TEF: variants seen among roughly 807,000 people sequenced by gnomAD.
The protein encoded by TEF is TEF transcription factor, PAR bZIP family member, also known as thyrotroph embryonic factor.
In TEF, 3 loss-of-function variants were observed where a neutral mutation model predicts 20.8. The observed-to-expected ratio is 0.14, with a 90% CI of 0.07 to 0.37. The LOEUF is 0.37. Among genes scored for constraint, TEF ranks in the 10% least tolerant of loss-of-function variants. The probability of loss-of-function intolerance (pLI) is 1.00; values close to 1 mark genes in which losing one functional copy is unlikely to be tolerated. For missense variants in TEF, 296 were observed against 397.9 expected (o/e 0.74, Z 2.18); for synonymous variants, 180 against 171.1 (o/e 1.05, Z -0.41).
intron 2 of TEF, among the ~76,000 whole-genome samples, chr22:41,391,646 G>C (rs938365811): frequency 7.0e-6 from 1 of 143,846 alleles, no homozygotes; most frequent in African/African-American, 2.6e-5. Context: ...TTTTTTGAGA[G>C]GGAGTCTCAC....
intron 3 of TEF, among the ~76,000 whole-genome samples, chr22:41,395,422 T>A (rs1300190014): frequency 6.6e-6 from 1 of 152,140 alleles, no homozygotes; most frequent in Non-Finnish European, 1.5e-5. Flanking sequence ...ATCTAGGCCC[T>A]TACCCACAAC....
rs758462903 is a variant in TEF, at chr22:41,382,228, G to T, written c.157+27G>T. ...TGAGGGCGGGGGGGTGGTCCGCGCG[G>T]GCTGGGGGCGGGGCTTATACAGGGG... On this transcript the variant is annotated intron_variant, in intron 1 of 3. Transcript: ENST00000266304. The T allele has an allele frequency of 1.2e-5, 15 of 1,227,012 alleles. No individual in the cohort carries two copies. In the South Asian group the frequency reaches 1.6e-4, roughly 13 times the overall value. 76.0% of individuals were successfully genotyped at this position (1,227,012 alleles called of 1,614,324 possible).
chr22:41,388,578 CAA>C (rs10717641), intron 2 of TEF, among the ~76,000 whole-genome samples: 94 of 116,340 alleles, frequency 8.1e-4, no homozygotes, highest in Middle Eastern at 4.2e-3. Context: ...GACGCCATCT[CAA>C]AAAAAAAAAA....
At chr22:41,393,979 TC>T in intron 2 of TEF, 116 bp from the exon 3 acceptor site, 1 of 835,254 alleles carries the variant, frequency 1.2e-6, no homozygotes. Flanking sequence ...GGTTTTCTTC[TC>T]CCCAGGCGGC....
At position 41,398,300 on chromosome 22, in the gene TEF, C is replaced by G. The variant is rs1301549062; in HGVS notation, c.*2340C>G. 6.5e-6 allele frequency: 1 copy of G among 153,792 alleles called. No homozygotes were observed. The highest frequency in any genetic ancestry group is 6.6e-5 in the Admixed American group (1 of 15,266). 9.5% of individuals were successfully genotyped at this position (153,792 alleles called of 1,614,324 possible). A position where few individuals can be genotyped will look rare whatever the true frequency, so the allele number is the denominator to read the frequency against. Reference sequence around the variant, plus strand: ...GTCGAGGGAATGGGAGTCTCCTCGGCTCCCTCCTGGGCCCTCTGCTTCTTG... The same window carrying G: ...GTCGAGGGAATGGGAGTCTCCTCGGGTCCCTCCTGGGCCCTCTGCTTCTTG... On this transcript the variant is annotated 3_prime_UTR_variant, in exon 4 of 4. Transcript: ENST00000266304.
exon 1 of TEF, chr22:41,367,533 A>G (rs2036835662): frequency 8.4e-6 from 13 of 1,550,974 alleles, no homozygotes; most frequent in Non-Finnish European, 1.1e-5. Context: ...GGCCCCTGCC[A>G]TGGACATGCC....
At chr22:41,385,362 TAAAA>T (rs998938652) in intron 1 of TEF, among the ~76,000 whole-genome samples, 2 of 144,624 alleles carry the variant, frequency 1.4e-5, no homozygotes, top group East Asian at 4.0e-4. Flanking sequence ...CTCCTTCTCA[TAAAA>T]AAAAAAAAGT....
At chr22:41,371,904 G>A (rs554620395) in intron 1 of TEF, among the ~76,000 whole-genome samples, 1 of 152,150 alleles carries the variant, frequency 6.6e-6, no homozygotes, top group Non-Finnish European at 1.5e-5. Flanking sequence ...ACAGGAGGGG[G>A]CCTTGGTGTC....
At chr22:41,390,144 C>G (rs533821650) in intron 2 of TEF, among the ~76,000 whole-genome samples, 1 of 152,172 alleles carries the variant, frequency 6.6e-6, no homozygotes, top group South Asian at 2.1e-4. Flanking sequence ...ACCTGCCTCA[C>G]CTTCCAAAGT....
At chr22:41,394,860 G>A (rs748480511) in intron 3 of TEF, among the ~76,000 whole-genome samples, 2 of 152,178 alleles carry the variant, frequency 1.3e-5, no homozygotes, top group Admixed American at 1.3e-4. Context: ...GCCTAGCTGT[G>A]CCTCAAGTTC....
At chr22:41,378,924 G>A (rs1050945435), upstream of TEF, among the ~76,000 whole-genome samples, 3 of 152,212 alleles carry the variant, frequency 2.0e-5, no homozygotes, top group Non-Finnish European at 4.4e-5. Flanking sequence ...ACTACAGAGA[G>A]TGACACAGGC....
At chr22:41,380,564 C>A (rs984690299), upstream of TEF, among the ~76,000 whole-genome samples, 8 of 152,152 alleles carry the variant, frequency 5.3e-5, no homozygotes, top group African/African-American at 1.7e-4. Flanking sequence ...CCCCCCCAAC[C>A]CCTCCTGCTA....
In TEF at chr22:41,396,747, T is replaced by C; in HGVS notation, c.*787T>C. On this transcript the variant is annotated 3_prime_UTR_variant, in exon 4 of 4. Transcript: ENST00000266304. ...CCTCTTCATTTCCTCTCCAGGCTAC[T>C]CAGAGGCCATGTGAAGCTCGTTTGT... is the stretch of plus-strand genomic sequence containing the variant. 2.5e-6 allele frequency: 1 copy of C among 393,802 alleles called. No homozygotes were observed. The highest frequency in any genetic ancestry group is 4.5e-6 in the Non-Finnish European group (1 of 223,576). The allele number at this position is 393,802 out of a possible 1,614,324, so 24.4% of individuals were successfully genotyped here. A position where few individuals can be genotyped will look rare whatever the true frequency, so the allele number is the denominator to read the frequency against.
rs1231064052 is a variant in TEF, at chr22:41,397,285, G to A, written c.*1325G>A. The A allele has an allele frequency of 5.0e-6, 2 of 396,236 alleles. No individual in the cohort carries two copies. Among genetic ancestry groups the A allele is most frequent in the Non-Finnish European group, 8.9e-6 (2 of 224,948 alleles). 24.5% of individuals were successfully genotyped at this position (396,236 alleles called of 1,614,324 possible). A position where few individuals can be genotyped will look rare whatever the true frequency, so the allele number is the denominator to read the frequency against. ...GCTGTGGTCTCCCCTGCCTCACAAC[G>A]ACTCCTTTCTCTTGTGTGGCGGGAC... On this transcript the variant is annotated 3_prime_UTR_variant, in exon 4 of 4. Coordinates refer to ENST00000266304, the MANE Select transcript of TEF (RefSeq NM_003216.4).
At chr22:41,367,970 C>T (rs1403533239) in intron 1 of TEF, among the ~76,000 whole-genome samples, 2 of 152,118 alleles carry the variant, frequency 1.3e-5, no homozygotes, top group Admixed American at 1.3e-4. Context: ...GCGGCAGGGA[C>T]TGTGGATTTG....
At chr22:41,369,975 G>A in intron 1 of TEF, 1 of 985,392 alleles carries the variant, frequency 1.0e-6, no homozygotes, top group South Asian at 4.7e-5. Flanking sequence ...ACACATTTAG[G>A]TCATGTGCAG....
chr22:41,392,037 C>T (rs1312398762), intron 2 of TEF, among the ~76,000 whole-genome samples: 1 of 152,138 alleles, frequency 6.6e-6, no homozygotes, highest in Non-Finnish European at 1.5e-5. Context: ...TTTGTCTTTG[C>T]CAGGACAGAA....
chr22:41,371,608 G>A (rs1234893599), intron 1 of TEF, among the ~76,000 whole-genome samples: 2 of 152,242 alleles, frequency 1.3e-5, no homozygotes, highest in African/African-American at 4.8e-5. Context: ...ACCGTGAGAT[G>A]CTGTGCTGGT....
Position 41,394,173 on chromosome 22 carries a change from C to G in TEF, c.553C>G (p.Pro185Ala). 2 of 1,614,116 alleles carry G rather than the reference C, an allele frequency of 1.2e-6. No homozygotes were observed. Among genetic ancestry groups the G allele is most frequent in the Non-Finnish European group, 1.7e-6 (2 of 1,180,016 alleles). The change falls in exon 3 of 4, where the codon CCG becomes GCG. Residue 185 changes from proline to alanine, a missense_variant. By Grantham distance (27) the Pro-to-Ala change is conservative. Transcript: ENST00000266304. Reference protein sequence around the residue: ...NCVEVDVNFNPDPADLVLSSV... With the variant: ...NCVEVDVNFNADPADLVLSSV... ...TGTGGAAGTGGATGTGAACTTCAAT[C>G]CGGACCCCGCCGACCTGGTGCTCTC...
Sources: gnomAD v4.1 joint callset for allele counts (sites outside exome capture counted in the v4.1 genomes callset) on GRCh38, gnomAD v4.1.1 for gene constraint, MANE v1.5 for transcripts, NCBI Gene and HGNC (gene_info 2026-07-23, HGNC 2026-07-21) for gene names.